The following NFATC2 variants were observed in gnomAD, a reference collection of about 807,000 sequenced individuals.
The protein encoded by NFATC2 is nuclear factor of activated T-cells, cytoplasmic 2.
Under a neutral mutation model 87.3 loss-of-function variants are expected in NFATC2, and 22 were observed. The observed-to-expected ratio is 0.25, with a 90% CI of 0.18 to 0.36. NFATC2 has a LOEUF of 0.36. Among genes scored for constraint, NFATC2 ranks in the 10% least tolerant of loss-of-function variants. NFATC2 has a pLI of 1.00. For missense variants in NFATC2, 1,149 were observed against 1,259.1 expected, an observed-to-expected ratio of 0.91 and a Z score of 1.32; for synonymous variants, 565 against 542.2, an observed-to-expected ratio of 1.04 and a Z score of -0.58.
rs1985993146 is a variant in NFATC2 at position 51,388,442 on chromosome 20, T to TC, written c.*3053_*3054insG. 6.6e-6 allele frequency: 1 copy of TC among 152,138 alleles called. No individual in the cohort carries two copies. Among genetic ancestry groups the TC allele is most frequent in the Admixed American group, 6.5e-5 (1 of 15,272 alleles). The allele number at this position is 152,138 out of a possible 1,614,324, so 9.4% of individuals were successfully genotyped here. A position where few individuals can be genotyped will look rare whatever the true frequency, so the allele number is the denominator to read the frequency against. On this transcript the variant is annotated 3_prime_UTR_variant, in exon 11 of 11. Transcript: ENST00000371564. ...TAACAGGCTCTGAGTGGGGGTTTTA[T>TC]TATATGGGTTTTTGTTTCCTGGAAT...
intron 3 of NFATC2, among the ~76,000 whole-genome samples, chr20:51,489,377 A>G (rs1299369574): frequency 6.6e-6 from 1 of 152,220 alleles, no homozygotes; most frequent in East Asian, 1.9e-4. Context: ...AACAGGAGGT[A>G]AGAAGGAACC....
intron 1 of NFATC2, among the ~76,000 whole-genome samples, chr20:51,550,863 C>T (rs954964957): frequency 3.3e-5 from 5 of 152,208 alleles, no homozygotes; most frequent in South Asian, 2.1e-4. Context: ...ACTCATATCG[C>T]TTTCACACCA....
At chr20:51,447,284 A>T (rs942414450) in intron 6 of NFATC2, among the ~76,000 whole-genome samples, 1 of 152,170 alleles carries the variant, frequency 6.6e-6, no homozygotes, top group Admixed American at 6.5e-5. Context: ...AGCCTCTGCC[A>T]TCAGACCGTT....
At chr20:51,475,141 G>A (rs1294246833) in intron 4 of NFATC2, among the ~76,000 whole-genome samples, 3 of 151,670 alleles carry the variant, frequency 2.0e-5, no homozygotes, top group African/African-American at 4.8e-5. Context: ...GCTAATTTTT[G>A]TATGTTTAAT....
At chr20:51,482,490 T>C (rs1424404442) in intron 3 of NFATC2, among the ~76,000 whole-genome samples, 1 of 152,196 alleles carries the variant, frequency 6.6e-6, no homozygotes, top group Non-Finnish European at 1.5e-5. Flanking sequence ...CTTCCAAACT[T>C]TTCTTTCATT....
intron 9 of NFATC2, among the ~76,000 whole-genome samples, chr20:51,429,074 A>G (rs534596240): frequency 1.3e-5 from 2 of 152,266 alleles, no homozygotes; most frequent in African/African-American, 4.8e-5. Flanking sequence ...ACAACACAGC[A>G]AACCAAGACG....
chr20:51,411,728 A>T (rs914720110), intron 9 of NFATC2, among the ~76,000 whole-genome samples: 2 of 151,958 alleles, frequency 1.3e-5, no homozygotes, highest in African/African-American at 4.8e-5. Context: ...AGGTTTCAAC[A>T]TGTTGGCCAG....
chr20:51,429,564 C>T lies in NFATC2; in HGVS notation c.2722+2503G>A, dbSNP rs182455636. ...GAGCTTCTAGGCCAGCTGTGTAGCA[C>T]GACTCCCGGGCCTCCATTCTTGCAG... On this transcript the variant is annotated intron_variant, in intron 9 of 10. Coordinates refer to ENST00000371564, the MANE Select transcript of NFATC2 (RefSeq NM_012340.5). Among the ~76,000 whole-genome samples the T allele has an allele frequency of 9.8e-5, 15 of 152,318 alleles. No homozygotes were observed. In the South Asian group the frequency reaches 1.9e-3, roughly 19 times the overall value.
rs761473438 is a variant in NFATC2 at position 51,523,617 on chromosome 20, G to A, written c.624C>T (p.Ile208=). Residue 208 remains isoleucine (I), a synonymous_variant, in exon 2 of 11, where the codon ATC becomes ATT. Transcript: ENST00000371564. This position sits in a 1 kb window ranked among gnomAD's most constrained non-coding sequence, Gnocchi z 6.9. ...PDDLCPQFQN[I]PAHYSPRTSP... is the part of the protein sequence containing the mutation. Reference sequence around the variant, plus strand: ...AGGTTCTGGGGGAATAATGAGCAGGGATGTTTTGAAACTGCGGACACAGGT... The same window carrying A: ...AGGTTCTGGGGGAATAATGAGCAGGAATGTTTTGAAACTGCGGACACAGGT... The A allele has an allele frequency of 1.2e-6, 2 of 1,613,946 alleles. No homozygotes were observed. Among genetic ancestry groups the A allele is most frequent in the African/African-American group, 1.3e-5 (1 of 75,030 alleles).
intron 6 of NFATC2, among the ~76,000 whole-genome samples, chr20:51,447,232 T>A (rs1407102832): frequency 6.6e-6 from 1 of 152,162 alleles, no homozygotes; most frequent in Non-Finnish European, 1.5e-5. Context: ...CACCCACGCG[T>A]CCTTTCTAAA....
intron 8 of NFATC2, among the ~76,000 whole-genome samples, chr20:51,433,096 T>C (rs1172424666): frequency 6.6e-6 from 1 of 152,146 alleles, no homozygotes; most frequent in Non-Finnish European, 1.5e-5. Flanking sequence ...TCCCCCTCTT[T>C]CTATCCCAGC....
At chr20:51,549,154 C>A (rs997304526) in intron 1 of NFATC2, among the ~76,000 whole-genome samples, 9 of 151,840 alleles carry the variant, frequency 5.9e-5, no homozygotes, top group Admixed American at 2.6e-4. Flanking sequence ...GGCAACACAG[C>A]AAGACCCCGT....
At chr20:51,542,743 G>T, upstream of NFATC2, 1 of 828,546 alleles carries the variant, frequency 1.2e-6, no homozygotes, top group Non-Finnish European at 1.4e-6. Flanking sequence ...TTGCAGCCCG[G>T]GGAGGCGGGG....
Position 51,454,660 on chromosome 20 carries a change from C to T in NFATC2, c.1737G>A (p.Met579Ile). Residue 579 changes from methionine to isoleucine, a missense_variant, in exon 6 of 11, where the codon ATG becomes ATA. Physicochemically the swap from Met to Ile is conservative, Grantham distance 10. Around this residue, in one of 3 missense-constraint regions of NFATC2, gnomAD observed 581 missense variants for 649.7 expected, o/e 0.89. Coordinates refer to ENST00000371564, the MANE Select transcript of NFATC2 (RefSeq NM_012340.5). Reference protein sequence around the residue: ...CSQRSAHELPMVERQDTDSCL... With the variant: ...CSQRSAHELPIVERQDTDSCL... Reference sequence around the variant, plus strand: ...AGCTGTCTGTGTCTTGTCTTTCAACCATGGGCAGCTCGTGAGCAGATCGCT... The same window carrying T: ...AGCTGTCTGTGTCTTGTCTTTCAACTATGGGCAGCTCGTGAGCAGATCGCT... 1 of 1,614,042 alleles carries T rather than the reference C, an allele frequency of 6.2e-7. No homozygotes were observed. The highest frequency in any genetic ancestry group is 8.5e-7 in the Non-Finnish European group (1 of 1,180,016).
chr20:51,461,180 C>A (rs1016946845), intron 5 of NFATC2, among the ~76,000 whole-genome samples: 10 of 152,196 alleles, frequency 6.6e-5, no homozygotes, highest in Non-Finnish European at 1.3e-4. Flanking sequence ...CCTCCATCAC[C>A]TATGGCTGCT....
intron 1 of NFATC2, among the ~76,000 whole-genome samples, chr20:51,541,591 C>T (rs1247345794): frequency 6.6e-6 from 1 of 152,162 alleles, no homozygotes; most frequent in African/African-American, 2.4e-5. Context: ...CAGAAAGAGC[C>T]TGTGTCCTTC....
chr20:51,441,938 A>C (rs1984407258), intron 6 of NFATC2, among the ~76,000 whole-genome samples: 1 of 152,162 alleles, frequency 6.6e-6, no homozygotes, highest in African/African-American at 2.4e-5. Flanking sequence ...GTGGGTATTG[A>C]AGTTTTTTGC....
intron 9 of NFATC2, among the ~76,000 whole-genome samples, chr20:51,413,910 G>A (rs1979651493): frequency 6.6e-6 from 1 of 152,160 alleles, no homozygotes; most frequent in Non-Finnish European, 1.5e-5. Context: ...CTGCCATGAG[G>A]GTTAAATGAG....
At chr20:51,502,371 G>A (rs537145977) in intron 3 of NFATC2, among the ~76,000 whole-genome samples, 41 of 152,286 alleles carry the variant, frequency 2.7e-4, no homozygotes, top group African/African-American at 8.9e-4. Flanking sequence ...TGTTGCCCAG[G>A]CTGGAGTGTG....
Sources: gnomAD v4.1 joint callset for allele counts (sites outside exome capture counted in the v4.1 genomes callset) on GRCh38, gnomAD v4.1.1 for gene constraint, gnomAD v4.1.1 regional missense constraint, Gnocchi (gnomAD v3.1) non-coding constraint, MANE v1.5 for transcripts, NCBI Gene and HGNC (gene_info 2026-07-23, HGNC 2026-07-21) for gene names.